The following NRG1 variants were observed in gnomAD, a reference collection of about 807,000 sequenced individuals.
NRG1 encodes the protein pro-neuregulin-1, membrane-bound isoform.
A neutral mutation model predicts 63.8 loss-of-function variants in NRG1; 18 were observed. The ratio of observed to expected loss-of-function variants is 0.28; its 90% CI spans 0.19 to 0.42. The LOEUF (loss-of-function observed/expected upper bound fraction) is 0.42, where lower values mean the gene tolerates loss of function less well. NRG1 is among the 10% of genes least tolerant of loss of function. The pLI, the probability that NRG1 is intolerant of heterozygous loss-of-function variation, is 1.00. For synonymous variants in NRG1, 302 were observed against 301.3 expected, an observed-to-expected ratio of 1.00 and a Z score of -0.02; for missense variants, 762 against 814.7, an observed-to-expected ratio of 0.94 and a Z score of 0.79.
chr8:31,778,289 G>A (rs1050345655), intron 1 of NRG1, among the ~76,000 whole-genome samples: 1 of 152,080 alleles, frequency 6.6e-6, no homozygotes, highest in African/African-American at 2.4e-5. Flanking sequence ...AATGCTACAT[G>A]TCCCTTCTAG....
At chr8:32,511,399 A>ATATATATATAT (rs71208189) in intron 1 of NRG1, among the ~76,000 whole-genome samples, 1 of 143,830 alleles carries the variant, frequency 7.0e-6, no homozygotes, top group Non-Finnish European at 1.5e-5. Context: ...ATATATATAT[A>ATATATATATAT]AATAAAATAA....
At chr8:31,776,695 T>TCCCCCA in intron 1 of NRG1, among the ~76,000 whole-genome samples, 1 of 151,894 alleles carries the variant, frequency 6.6e-6, no homozygotes. Context: ...CCCCTCCCCC[T>TCCCCCA]ACCCCACAAC....
chr8:31,809,355 C>A (rs1432599983), intron 1 of NRG1, among the ~76,000 whole-genome samples: 1 of 143,566 alleles, frequency 7.0e-6, no homozygotes, highest in East Asian at 2.1e-4. Context: ...TATACACACA[C>A]ACACATATAT....
chr8:31,644,639 C>T (rs970058742), intron 1 of NRG1, among the ~76,000 whole-genome samples: 5 of 152,072 alleles, frequency 3.3e-5, no homozygotes, highest in Admixed American at 6.5e-5. Flanking sequence ...TGTGATTGGG[C>T]GGGTTATTGC....
At chr8:31,924,139 G>C (rs1274983466) in intron 1 of NRG1, among the ~76,000 whole-genome samples, 2 of 151,808 alleles carry the variant, frequency 1.3e-5, no homozygotes, top group Non-Finnish European at 2.9e-5. Flanking sequence ...CAGATCACAA[G>C]ATCAGGAGTT....
intron 1 of NRG1, among the ~76,000 whole-genome samples, chr8:32,311,886 C>T (rs567006880): frequency 3.3e-5 from 5 of 152,286 alleles, no homozygotes; most frequent in African/African-American, 1.2e-4. Flanking sequence ...TAAGTCTCTC[C>T]TCTTGCTCCA....
intron 1 of NRG1, among the ~76,000 whole-genome samples, chr8:32,487,420 G>T (rs573630745): frequency 0.015 from 2,218 of 146,836 alleles, 34 homozygotes; most frequent in Middle Eastern, 0.028. Context: ...TTGGAGGTTG[G>T]TTTTTTTTTT....
chr8:31,707,267 T>C (rs1433637201), intron 1 of NRG1, among the ~76,000 whole-genome samples: 1 of 152,120 alleles, frequency 6.6e-6, no homozygotes, highest in African/African-American at 2.4e-5. Context: ...ACTATCTTTT[T>C]CCCACTGATG....
At chr8:31,796,189 T>C (rs1586473579) in intron 1 of NRG1, among the ~76,000 whole-genome samples, 1 of 152,088 alleles carries the variant, frequency 6.6e-6, no homozygotes, top group East Asian at 1.9e-4. Context: ...ACATTACAGG[T>C]TGACCAGAAA....
intron 1 of NRG1, among the ~76,000 whole-genome samples, chr8:32,060,939 C>T (rs1823745380): frequency 6.6e-6 from 1 of 150,484 alleles, no homozygotes; most frequent in Admixed American, 6.6e-5. Context: ...TTTTTTTTTA[C>T]TTTCAGGGAC....
chr8:32,719,718 CTTTG>C (rs996439315), intron 5 of NRG1, among the ~76,000 whole-genome samples: 5 of 151,924 alleles, frequency 3.3e-5, no homozygotes, highest in African/African-American at 9.7e-5. Flanking sequence ...TTTTTTCACT[CTTTG>C]TTTGATTCTA....
chr8:32,280,434 G>C (rs7812605), intron 1 of NRG1, among the ~76,000 whole-genome samples: 3 of 152,134 alleles, frequency 2.0e-5, no homozygotes, highest in Non-Finnish European at 4.4e-5. Flanking sequence ...AATTTGGTTC[G>C]ATTTGAAAAC....
intron 1 of NRG1, among the ~76,000 whole-genome samples, chr8:32,449,662 A>G (rs1172318754): frequency 6.6e-6 from 1 of 152,254 alleles, no homozygotes; most frequent in African/African-American, 2.4e-5. Flanking sequence ...ACAGTCTAAC[A>G]GAAGAAACAT....
intron 1 of NRG1, among the ~76,000 whole-genome samples, chr8:32,327,159 G>T (rs917421231): frequency 2.0e-5 from 3 of 152,164 alleles, no homozygotes; most frequent in Admixed American, 1.3e-4. Context: ...GAAAGAAGAG[G>T]TTCCTCCCTG....
At chr8:32,234,292 A>G (rs1464235799) in intron 1 of NRG1, among the ~76,000 whole-genome samples, 2 of 152,204 alleles carry the variant, frequency 1.3e-5, no homozygotes, top group Non-Finnish European at 2.9e-5. Flanking sequence ...ACAGCTCTTT[A>G]GAGCAATGGA....
At chr8:32,203,116 TG>T (rs1843660110) in intron 1 of NRG1, among the ~76,000 whole-genome samples, 1 of 151,326 alleles carries the variant, frequency 6.6e-6, no homozygotes, top group Non-Finnish European at 1.5e-5. Context: ...ACTCTGCCAC[TG>T]GCTTTGTGGT....
intron 1 of NRG1, among the ~76,000 whole-genome samples, chr8:32,496,955 C>A (rs2129495723): frequency 6.6e-6 from 1 of 152,230 alleles, no homozygotes; most frequent in South Asian, 2.1e-4. Flanking sequence ...TCTCCTTTTA[C>A]ACATAAGGAA....
intron 1 of NRG1, among the ~76,000 whole-genome samples, chr8:32,258,473 A>T (rs1849993119): frequency 6.6e-6 from 1 of 152,172 alleles, no homozygotes; most frequent in Non-Finnish European, 1.5e-5. Flanking sequence ...CCATTTTCAC[A>T]CTGCTATAAA....
chr8:32,504,179 T>C (rs1341519069), intron 1 of NRG1, among the ~76,000 whole-genome samples: 1 of 152,128 alleles, frequency 6.6e-6, no homozygotes, highest in Non-Finnish European at 1.5e-5. Flanking sequence ...TCCTATCTGT[T>C]GGGAGCCTGC....
Sources: allele counts gnomAD v4.1 joint callset (sites outside exome capture counted in the v4.1 genomes callset), GRCh38; gene constraint gnomAD v4.1.1; transcripts MANE v1.5; gene names NCBI Gene and HGNC (gene_info 2026-07-23, HGNC 2026-07-21).